DLGAP1: variants seen among roughly 807,000 people sequenced by gnomAD.
DLGAP1 encodes DLG associated protein 1, also known as disks large-associated protein 1.
Under a neutral mutation model 90.8 loss-of-function variants are expected in DLGAP1, and 11 were observed. The observed-to-expected ratio is 0.12, with a 90% CI of 0.08 to 0.20. The LOEUF is 0.20. Among genes scored for constraint, DLGAP1 ranks in the 10% least tolerant of loss-of-function variants. The pLI is 1.00. For synonymous variants in DLGAP1, 558 were observed against 540.7 expected (o/e 1.03, Z -0.44); for missense variants, 1,050 against 1,333.8 (o/e 0.79, Z 3.31).
At chr18:3,534,112 A>T in intron 10 of DLGAP1, 82 bp downstream of exon 10, 2 of 1,452,534 alleles carry the variant, frequency 1.4e-6, no homozygotes, top group Non-Finnish European at 1.9e-6. Flanking sequence ...TGAAGCTGGC[A>T]GAGAAGAAAA....
intron 1 of DLGAP1, among the ~76,000 whole-genome samples, chr18:4,162,499 C>T (rs1284880770): frequency 6.6e-6 from 1 of 152,102 alleles, no homozygotes; most frequent in Non-Finnish European, 1.5e-5. Flanking sequence ...ATTGTGTGCA[C>T]CTACTAATCC....
intron 1 of DLGAP1, among the ~76,000 whole-genome samples, chr18:4,380,885 A>G (rs74370984): frequency 4.6e-5 from 7 of 152,232 alleles, no homozygotes; most frequent in African/African-American, 1.7e-4. Context: ...AGCTGCCAAT[A>G]TGGTTCTCCA....
At chr18:3,627,875 CTTTTTT>C (rs34874244) in intron 7 of DLGAP1, among the ~76,000 whole-genome samples, 1 of 90,112 alleles carries the variant, frequency 1.1e-5, no homozygotes, top group Non-Finnish European at 2.2e-5. Flanking sequence ...TCCTTCCTTC[CTTTTTT>C]TTTTTTTTTT....
intron 1 of DLGAP1, among the ~76,000 whole-genome samples, chr18:4,311,231 A>G (rs1038038170): frequency 6.7e-6 from 1 of 149,594 alleles, no homozygotes; most frequent in East Asian, 1.9e-4. Context: ...GAGCAGAACT[A>G]TAAACATTTT....
chr18:4,252,005 G>A (rs2078788278), intron 1 of DLGAP1, among the ~76,000 whole-genome samples: 1 of 152,202 alleles, frequency 6.6e-6, no homozygotes, highest in Admixed American at 6.5e-5. Context: ...CTCTGGAAAG[G>A]AGTCAACAGA....
chr18:4,340,545 A>C (rs1440522512), intron 1 of DLGAP1, among the ~76,000 whole-genome samples: 1 of 152,182 alleles, frequency 6.6e-6, no homozygotes, highest in Non-Finnish European at 1.5e-5. Context: ...ACAGACTTAA[A>C]ATTCAAAAAC....
chr18:3,789,680 T>C (rs953860586), intron 5 of DLGAP1, among the ~76,000 whole-genome samples: 48 of 152,134 alleles, frequency 3.2e-4, no homozygotes, highest in Non-Finnish European at 1.3e-4. Flanking sequence ...TCCTAGAAGA[T>C]AGTGGTCAAC....
At chr18:3,572,820 G>T (rs1302892946) in intron 8 of DLGAP1, among the ~76,000 whole-genome samples, 1 of 152,106 alleles carries the variant, frequency 6.6e-6, no homozygotes, top group Non-Finnish European at 1.5e-5. Flanking sequence ...TTTACCAAAT[G>T]CAATAGTTTT....
chr18:4,439,628 T>C (rs2083481143), intron 1 of DLGAP1, among the ~76,000 whole-genome samples: 4 of 151,786 alleles, frequency 2.6e-5, no homozygotes, highest in Admixed American at 2.6e-4. Context: ...CAACATAGTA[T>C]GACCTTGTCT....
At position 3,729,744 on chromosome 18, in the gene DLGAP1, T is replaced by C. The variant is rs950807426; in HGVS notation, c.1351-369A>G. On this transcript the variant is annotated intron_variant, in intron 6 of 12. Transcript: ENST00000315677. This position sits in a 1 kb window ranked among gnomAD's most constrained non-coding sequence, Gnocchi z 6.2. ...TTTAAAGAAAAAAGGGCACCGTTTGTAGAACGCAAGGAAATGTGGGGCTTA... is the reference window on the plus strand; with the variant it reads ...TTTAAAGAAAAAAGGGCACCGTTTGCAGAACGCAAGGAAATGTGGGGCTTA... Among the ~76,000 whole-genome samples, 3 of 152,146 alleles carry C rather than the reference T, an allele frequency of 2.0e-5. No individual in the cohort carries two copies. Among genetic ancestry groups the C allele is most frequent in the Non-Finnish European group, 4.4e-5 (3 of 68,032 alleles).
intron 2 of DLGAP1, among the ~76,000 whole-genome samples, chr18:4,090,912 A>G (rs1277092832): frequency 6.6e-6 from 1 of 152,260 alleles, no homozygotes; most frequent in Non-Finnish European, 1.5e-5. Flanking sequence ...CTATGCAGCC[A>G]TAAAAAAGAA....
chr18:3,970,061 G>C (rs1157053183), intron 3 of DLGAP1, among the ~76,000 whole-genome samples: 1 of 152,092 alleles, frequency 6.6e-6, no homozygotes, highest in Non-Finnish European at 1.5e-5. Flanking sequence ...TGTCTTTGTA[G>C]GTAAAGCAAC....
chr18:3,549,041 A>G (rs2053225585), intron 9 of DLGAP1, among the ~76,000 whole-genome samples: 1 of 152,228 alleles, frequency 6.6e-6, no homozygotes, highest in Admixed American at 6.5e-5. Flanking sequence ...TCCATCTCGA[A>G]GAAAAAAGAA....
intron 11 of DLGAP1, among the ~76,000 whole-genome samples, 174 bp from the exon 12 acceptor site, chr18:3,502,819 G>C (rs2050011476): frequency 3.3e-5 from 5 of 152,162 alleles, no homozygotes; most frequent in Admixed American, 3.3e-4. Flanking sequence ...TCATCCGTTT[G>C]AGTCAGTGAT....
intron 7 of DLGAP1, among the ~76,000 whole-genome samples, chr18:3,666,913 C>T: frequency 6.6e-6 from 1 of 152,046 alleles, no homozygotes; most frequent in Admixed American, 6.6e-5. Context: ...CCCACCACTA[C>T]ACCCTGCTAA....
intron 9 of DLGAP1, among the ~76,000 whole-genome samples, chr18:3,540,804 T>A (rs2052650030): frequency 6.6e-6 from 1 of 152,138 alleles, no homozygotes; most frequent in Non-Finnish European, 1.5e-5. Flanking sequence ...TATAAAAAAA[T>A]TTTCTCTACC....
chr18:4,175,572 T>C (rs973088919), intron 1 of DLGAP1, among the ~76,000 whole-genome samples: 1 of 152,230 alleles, frequency 6.6e-6, no homozygotes, highest in Non-Finnish European at 1.5e-5. Flanking sequence ...AAGTCTTTAA[T>C]CCATCTTGAG....
intron 3 of DLGAP1, among the ~76,000 whole-genome samples, chr18:3,890,566 A>T (rs2071433752): frequency 6.6e-6 from 1 of 151,990 alleles, no homozygotes; most frequent in African/African-American, 2.4e-5. Context: ...AACTTTTTTC[A>T]TTTTGGAACT....
chr18:3,535,168 G>A (rs1599106848), intron 9 of DLGAP1, among the ~76,000 whole-genome samples: 1 of 151,388 alleles, frequency 6.6e-6, no homozygotes, highest in Non-Finnish European at 1.5e-5. Context: ...GATTGTCATA[G>A]CTTCAATGTG....
Sources: allele counts gnomAD v4.1 joint callset (sites outside exome capture counted in the v4.1 genomes callset), GRCh38; gene constraint gnomAD v4.1.1; non-coding constraint Gnocchi (gnomAD v3.1); transcripts MANE v1.5; gene names NCBI Gene and HGNC (gene_info 2026-07-23, HGNC 2026-07-21).